OSBPL10: variants seen among roughly 807,000 people sequenced by gnomAD.
The protein encoded by OSBPL10 is oxysterol-binding protein-related protein 10.
Under a neutral mutation model 81.7 loss-of-function variants are expected in OSBPL10, and 49 were observed. That is an observed-to-expected ratio of 0.60 (90% CI 0.48 to 0.76). The LOEUF is 0.76. OSBPL10 is among the 30% of genes least tolerant of loss of function. The probability of loss-of-function intolerance (pLI) is 0.00; values close to 1 mark genes in which losing one functional copy is unlikely to be tolerated. For synonymous variants in OSBPL10, 419 were observed against 383.6 expected (o/e 1.09, Z -1.08); for missense variants, 923 against 987.8 (o/e 0.93, Z 0.88).
intron 4 of OSBPL10, among the ~76,000 whole-genome samples, chr3:31,790,631 G>A (rs1698985846): frequency 6.6e-6 from 1 of 152,204 alleles, no homozygotes; most frequent in Non-Finnish European, 1.5e-5. Flanking sequence ...CTGCCACTGA[G>A]ATGCTTATGG....
Position 32,044,268 on chromosome 3 carries a change from C to T in OSBPL10, n.298+2223G>A, listed in dbSNP as rs560764153. ...TCAGGTTAAATTTTGTGTTCCAAAT[C>T]TATCTTTCGTAATATAAGATTCATA... On this transcript the variant is annotated intron_variant and non_coding_transcript_variant, in intron 2 of 3. Transcript: ENST00000479173. 2.2e-3 allele frequency among the ~76,000 whole-genome samples: 337 copies of T among 151,676 alleles called. 3 individuals carry two copies. Among genetic ancestry groups the T allele is most frequent in the African/African-American group, 7.6e-3 (314 of 41,390 alleles).
chr3:31,673,751 A>G (rs1157915990), intron 8 of OSBPL10, among the ~76,000 whole-genome samples: 4 of 152,132 alleles, frequency 2.6e-5, no homozygotes, highest in African/African-American at 9.7e-5. Flanking sequence ...TTCTGAATCT[A>G]GTGATATATG....
chr3:31,983,900 G>A (rs755356590), upstream of OSBPL10, among the ~76,000 whole-genome samples: 22 of 152,272 alleles, frequency 1.4e-4, no homozygotes, highest in Admixed American at 1.1e-3. Context: ...CTTGTTACCC[G>A]GAAAAGCCAA....
chr3:31,900,155 C>T (rs1411107005), intron 1 of OSBPL10, among the ~76,000 whole-genome samples: 1 of 151,508 alleles, frequency 6.6e-6, no homozygotes, highest in Non-Finnish European at 1.5e-5. Context: ...TCCCCAGTAG[C>T]TGGGACTACA....
intron 1 of OSBPL10, among the ~76,000 whole-genome samples, chr3:31,904,392 A>G (rs1696343257): frequency 6.6e-6 from 1 of 152,216 alleles, no homozygotes. Flanking sequence ...TATCTGGGCA[A>G]CCAGACCAGG....
intron 4 of OSBPL10, among the ~76,000 whole-genome samples, chr3:31,749,979 G>A (rs552334065): frequency 4.0e-5 from 6 of 151,802 alleles, no homozygotes; most frequent in African/African-American, 1.2e-4. Context: ...TCAGGAGTTC[G>A]AAACCAGCCT....
chr3:32,018,683 G>A (rs1699336301), intron 2 of OSBPL10, among the ~76,000 whole-genome samples: 2 of 152,062 alleles, frequency 1.3e-5, no homozygotes, highest in Admixed American at 1.3e-4. Flanking sequence ...TCCAGCCTGG[G>A]CAGCAACACA....
At chr3:31,988,930 C>A in intron 2 of OSBPL10, 1 of 1,035,956 alleles carries the variant, frequency 9.7e-7, no homozygotes, top group Non-Finnish European at 1.4e-6. Flanking sequence ...AAACCCCGAC[C>A]CACAGCGACT....
At chr3:31,911,613 TA>T (rs111783417) in intron 1 of OSBPL10, among the ~76,000 whole-genome samples, 7 of 147,722 alleles carry the variant, frequency 4.7e-5, no homozygotes, top group South Asian at 2.1e-4. Flanking sequence ...TGATGGACTT[TA>T]AAAAAAAATC....
At chr3:31,727,033 A>G (rs77400302) in intron 6 of OSBPL10, among the ~76,000 whole-genome samples, 4,465 of 152,060 alleles carry the variant, frequency 0.029, 75 homozygotes, top group Non-Finnish European at 0.042. Context: ...GACAGGGTCT[A>G]TCTTGCCCAG....
At chr3:31,831,271 T>G (rs1700233336) in intron 3 of OSBPL10, among the ~76,000 whole-genome samples, 3 of 151,962 alleles carry the variant, frequency 2.0e-5, no homozygotes, top group Admixed American at 6.6e-5. Context: ...CCAGGCATGG[T>G]GGCACATGCC....
chr3:32,040,253 A>G (rs967336492), intron 2 of OSBPL10, among the ~76,000 whole-genome samples: 4 of 151,976 alleles, frequency 2.6e-5, no homozygotes, highest in African/African-American at 9.7e-5. Context: ...CTAAAAATAC[A>G]AAAAATGGCT....
chr3:31,963,095 T>A (rs1214009143), intron 1 of OSBPL10, among the ~76,000 whole-genome samples: 2 of 152,172 alleles, frequency 1.3e-5, no homozygotes, highest in Non-Finnish European at 2.9e-5. Flanking sequence ...TGCAAGAATA[T>A]GACAAAGAAC....
Position 31,878,580 on chromosome 3 carries a change from C to T in OSBPL10, c.457+1075G>A, listed in dbSNP as rs78122756. The stretch of plus-strand genomic sequence containing the variant: ...CCATCTCTTGGGTAGTGAAGCTTGG[C>T]AGAAGAATGGTGAAAACTGGGCTGA... On this transcript the variant is annotated intron_variant, in intron 2 of 11. Transcript: ENST00000396556. Among the ~76,000 whole-genome samples, 823 of 152,230 alleles carry T rather than the reference C, an allele frequency of 5.4e-3. 36 individuals are homozygous for T. The East Asian group carries it at 0.11, about 21-fold the overall frequency.
intron 6 of OSBPL10, among the ~76,000 whole-genome samples, chr3:31,709,966 T>C (rs751090322): frequency 1.1e-4 from 17 of 152,306 alleles, no homozygotes; most frequent in Non-Finnish European, 5.9e-5. Context: ...TTTATGATTG[T>C]GGGGCCAAGG....
intron 1 of OSBPL10, among the ~76,000 whole-genome samples, chr3:31,908,425 A>G (rs534710356): frequency 6.6e-6 from 1 of 152,298 alleles, no homozygotes; most frequent in South Asian, 2.1e-4. Flanking sequence ...CACATGGAAA[A>G]GTTTACCTTT....
At chr3:32,016,339 C>T (rs964457005) in intron 2 of OSBPL10, among the ~76,000 whole-genome samples, 3 of 152,050 alleles carry the variant, frequency 2.0e-5, no homozygotes, top group Admixed American at 6.6e-5. Flanking sequence ...AGCAAACCCT[C>T]GCAAGGACAA....
chr3:31,880,241 A>G (rs1695523804), intron 1 of OSBPL10, among the ~76,000 whole-genome samples: 1 of 152,252 alleles, frequency 6.6e-6, no homozygotes, highest in African/African-American at 2.4e-5. Context: ...TTTCACACCC[A>G]GAGAGCAGCA....
chr3:31,663,781 G>T, intron 11 of OSBPL10: 1 of 1,303,546 alleles, frequency 7.7e-7, no homozygotes. Context: ...ACAGTATCCA[G>T]TCTGCAGTCC....
Sources: gnomAD v4.1 joint callset for allele counts (sites outside exome capture counted in the v4.1 genomes callset) on GRCh38, gnomAD v4.1.1 for gene constraint, MANE v1.5 for transcripts, NCBI Gene and HGNC (gene_info 2026-07-23, HGNC 2026-07-21) for gene names.